FHIT: variants seen among roughly 807,000 people sequenced by gnomAD.
FHIT encodes the protein bis(5'-adenosyl)-triphosphatase.
FHIT carries 19 observed loss-of-function variants against 17.9 expected under a neutral mutation model. That is an observed-to-expected ratio of 1.06 (90% CI 0.74 to 1.56). The LOEUF (loss-of-function observed/expected upper bound fraction) is 1.56, where lower values mean the gene tolerates loss of function less well. FHIT is among the 40% of genes most tolerant of loss of function. The pLI is 0.00. For missense variants in FHIT, 248 were observed against 189.2 expected, an observed-to-expected ratio of 1.31 and a Z score of -1.82; for synonymous variants, 81 against 69.7, an observed-to-expected ratio of 1.16 and a Z score of -0.81.
At chr3:59,792,349 T>C (rs1483177247) in intron 8 of FHIT, among the ~76,000 whole-genome samples, 1 of 152,208 alleles carries the variant, frequency 6.6e-6, no homozygotes, top group Non-Finnish European at 1.5e-5. Flanking sequence ...TTTGGTCCTG[T>C]CTGGCAAAAC....
intron 4 of FHIT, among the ~76,000 whole-genome samples, chr3:60,676,238 T>G (rs1435880839): frequency 6.6e-6 from 1 of 152,196 alleles, no homozygotes; most frequent in Non-Finnish European, 1.5e-5. Flanking sequence ...TCTTAGCTTT[T>G]TCAATCTCTC....
intron 7 of FHIT, among the ~76,000 whole-genome samples, chr3:59,971,221 C>G (rs987533115): frequency 6.6e-6 from 1 of 152,036 alleles, no homozygotes; most frequent in Non-Finnish European, 1.5e-5. Context: ...TGAAAGTAGT[C>G]GGCTTTACAA....
chr3:60,575,705 A>G lies in FHIT; in HGVS notation c.-17-38726T>C, dbSNP rs375428118. 2.8e-4 allele frequency among the ~76,000 whole-genome samples: 43 copies of G among 152,334 alleles called. No individual in the cohort carries two copies. The East Asian group carries it at 4.4e-3, about 16-fold the overall frequency. On this transcript the variant is annotated intron_variant, in intron 4 of 9. Transcript: ENST00000492590. ...TTCCAGTTCTTGGAGAGATGCAAGA[A>G]CATACTGCTCCTATAAGTTAAGAAC...
At chr3:59,769,345 C>T (rs1701959121) in intron 8 of FHIT, among the ~76,000 whole-genome samples, 1 of 152,118 alleles carries the variant, frequency 6.6e-6, no homozygotes. Flanking sequence ...TCTGTGCTGG[C>T]CCCACAGTGA....
At chr3:60,699,022 T>C (rs1553701374) in intron 4 of FHIT, among the ~76,000 whole-genome samples, 1 of 152,204 alleles carries the variant, frequency 6.6e-6, no homozygotes, top group East Asian at 1.9e-4. Flanking sequence ...TTTATGAACA[T>C]CTTTCTATGC....
intron 3 of FHIT, among the ~76,000 whole-genome samples, chr3:60,993,915 G>C (rs1200807802): frequency 1.3e-5 from 2 of 152,156 alleles, no homozygotes; most frequent in Admixed American, 1.3e-4. Flanking sequence ...GCCAGTGACA[G>C]TAGCCATGAG....
intron 5 of FHIT, among the ~76,000 whole-genome samples, chr3:60,074,038 T>G (rs1702898389): frequency 6.6e-6 from 1 of 152,114 alleles, no homozygotes; most frequent in South Asian, 2.1e-4. Context: ...AGCAGGGGCT[T>G]AAAATGTCAT....
rs1333200971 is a variant in FHIT, at chr3:60,860,461, CAT to C, written c.-110-38452_-110-38451del. On this transcript the variant is annotated intron_variant, in intron 3 of 9. Transcript: ENST00000492590. ...ATCATGTATATATGATACATATGTA[CAT>C]ATATATGTATATATGATACATATGT... 1.1e-4 allele frequency among the ~76,000 whole-genome samples: 9 copies of C among 78,428 alleles called. 2 individuals are homozygous for C. Among genetic ancestry groups the C allele is most frequent in the Admixed American group, 2.4e-4 (2 of 8,166 alleles). 51.5% of individuals were successfully genotyped at this position (78,428 alleles called of 152,430 possible).
intron 2 of FHIT, among the ~76,000 whole-genome samples, chr3:61,047,452 C>A (rs1308914947): frequency 1.3e-5 from 2 of 152,116 alleles, no homozygotes. Flanking sequence ...TCAAGGAGAA[C>A]TACAAACCAC....
intron 3 of FHIT, among the ~76,000 whole-genome samples, chr3:61,009,754 T>A (rs575013215): frequency 2.8e-4 from 42 of 152,134 alleles, no homozygotes; most frequent in Non-Finnish European, 5.4e-4. Flanking sequence ...AAAATACATA[T>A]CCTGTCTGAT....
chr3:59,982,809 T>C (rs1185111654), intron 7 of FHIT, among the ~76,000 whole-genome samples: 1 of 152,184 alleles, frequency 6.6e-6, no homozygotes, highest in Non-Finnish European at 1.5e-5. Flanking sequence ...CCCTACTGTC[T>C]TGGAACTGGG....
chr3:60,684,704 T>G (rs1461787604), intron 4 of FHIT, among the ~76,000 whole-genome samples: 2 of 152,056 alleles, frequency 1.3e-5, no homozygotes, highest in African/African-American at 4.8e-5. Flanking sequence ...CCCAGACAGT[T>G]TCCTGAGTCT....
At chr3:61,119,299 A>G (rs1020611986) in intron 2 of FHIT, among the ~76,000 whole-genome samples, 3 of 151,762 alleles carry the variant, frequency 2.0e-5, no homozygotes, top group African/African-American at 7.3e-5. Context: ...GCTCACTGCA[A>G]CCTCCACCTC....
intron 5 of FHIT, among the ~76,000 whole-genome samples, chr3:60,397,871 C>CGCCCACCTTTG (rs1334177775): frequency 1.3e-5 from 2 of 152,058 alleles, no homozygotes; most frequent in Admixed American, 1.3e-4. Context: ...TACACTGCCA[C>CGCCCACCTTTG]GCCCACCTTT....
intron 2 of FHIT, among the ~76,000 whole-genome samples, chr3:61,176,184 C>G (rs1029436142): frequency 6.6e-6 from 1 of 152,224 alleles, no homozygotes; most frequent in African/African-American, 2.4e-5. Flanking sequence ...ATAACTATCT[C>G]CAGAGTTTGA....
intron 1 of FHIT, among the ~76,000 whole-genome samples, chr3:61,225,181 A>G (rs2039938664): frequency 6.6e-6 from 1 of 152,236 alleles, no homozygotes; most frequent in African/African-American, 2.4e-5. Context: ...CAGTCAAAAT[A>G]TCTTTTAAAT....
intron 5 of FHIT, among the ~76,000 whole-genome samples, chr3:60,330,817 G>A (rs1709931235): frequency 6.6e-6 from 1 of 152,126 alleles, no homozygotes; most frequent in African/African-American, 2.4e-5. Context: ...CTAATGCCAG[G>A]AGCAGACTAT....
intron 1 of FHIT, among the ~76,000 whole-genome samples, chr3:61,205,035 T>C (rs1187589534): frequency 2.1e-5 from 3 of 144,636 alleles, no homozygotes; most frequent in Admixed American, 7.3e-5. Flanking sequence ...TGTGTTCTCA[T>C]TGTTCAATTC....
chr3:60,949,167 G>A (rs1019603369), intron 3 of FHIT, among the ~76,000 whole-genome samples: 2 of 152,132 alleles, frequency 1.3e-5, no homozygotes, highest in Admixed American at 6.5e-5. Flanking sequence ...TTGCCTTGCT[G>A]ACCCACTATT....
Sources: gnomAD v4.1 joint callset for allele counts (sites outside exome capture counted in the v4.1 genomes callset) on GRCh38, gnomAD v4.1.1 for gene constraint, MANE v1.5 for transcripts, NCBI Gene and HGNC (gene_info 2026-07-23, HGNC 2026-07-21) for gene names.